Variants in EPHB6 observed in about 807,000 individuals in gnomAD.
The protein encoded by EPHB6 is ephrin type-B receptor 6.
In EPHB6, 51 loss-of-function variants were observed where a neutral mutation model predicts 107.0. The ratio of observed to expected loss-of-function variants is 0.48; its 90% CI spans 0.38 to 0.60. The LOEUF is 0.60. EPHB6 is among the 20% of genes least tolerant of loss of function. The probability of loss-of-function intolerance (pLI) is 0.00; values close to 1 mark genes in which losing one functional copy is unlikely to be tolerated. For synonymous variants in EPHB6, 553 were observed against 549.0 expected (o/e 1.01, Z -0.10); for missense variants, 1,141 against 1,355.5 (o/e 0.84, Z 2.48).
Position 142,866,666 on chromosome 7 carries a change from G to A in EPHB6, c.1587+61G>A. On this transcript the variant is annotated intron_variant, in intron 10 of 19. Transcript: ENST00000652003. This position sits in a 1 kb window ranked among gnomAD's most constrained non-coding sequence, Gnocchi z 5.2. ...GGTAGGAGCTCATAGGCCTCACAGT[G>A]GGGCCCAGAGGTGACCAGGTGCACA... is the stretch of plus-strand genomic sequence containing the variant. 3 of 1,612,322 alleles carry A rather than the reference G, an allele frequency of 1.9e-6. No homozygotes were observed. Among genetic ancestry groups the A allele is most frequent in the Non-Finnish European group, 2.5e-6 (3 of 1,179,846 alleles).
Position 142,867,467 on chromosome 7 carries a change from G to A in EPHB6, c.1751-141G>A. The A allele has an allele frequency of 1.4e-6, 1 of 729,356 alleles. No homozygotes were observed. The highest frequency in any genetic ancestry group is 2.4e-6 in the Non-Finnish European group (1 of 409,994). 45.2% of individuals were successfully genotyped at this position (729,356 alleles called of 1,614,324 possible). On this transcript the variant is annotated intron_variant, in intron 11 of 19. Transcript: ENST00000652003. The surrounding 1 kb of genome is among the most constrained non-coding windows in gnomAD (Gnocchi z 5.3). ...CTGTGGGCGTGTGTGTGTGTTGTGTGTCCCTGTGCATGGATGTGGGAGGTT... is the reference window on the plus strand; with the variant it reads ...CTGTGGGCGTGTGTGTGTGTTGTGTATCCCTGTGCATGGATGTGGGAGGTT...
rs537204866 is a variant in EPHB6 at position 142,864,245 on chromosome 7, C to T, written c.445C>T (p.Leu149Phe). 37 of 1,613,824 alleles carry T rather than the reference C, an allele frequency of 2.3e-5. No homozygotes were observed. The highest frequency in any genetic ancestry group is 3.1e-5 in the Non-Finnish European group (36 of 1,180,048). Residue 149 changes from leucine (L) to phenylalanine (F), a missense_variant, in exon 7 of 20, where the codon CTC becomes TTC. Physicochemically the swap from Leu to Phe is conservative, Grantham distance 22. Transcript: ENST00000652003. The stretch of plus-strand genomic sequence containing the variant: ...CCCTGACAGCGTTTCCTCCTGGCAC[C>T]TCAAACGCTGGACCAAGGTGGACAC... Reference protein sequence around the residue: ...DSPDSVSSWHLKRWTKVDTIA... With the variant: ...DSPDSVSSWHFKRWTKVDTIA...
intron 2 of EPHB6, 28 bp downstream of exon 2, chr7:142,861,214 G>T (rs958469633): frequency 6.6e-6 from 1 of 152,122 alleles, no homozygotes; most frequent in Non-Finnish European, 1.5e-5. Flanking sequence ...TCATTTGCTC[G>T]TGAGCTTAGT....
Position 142,869,429 on chromosome 7 carries a change from C to T in EPHB6, c.2460+282C>T, listed in dbSNP as rs1794794057. Among the ~76,000 whole-genome samples the T allele has an allele frequency of 6.6e-6, 1 of 152,180 alleles. No individual in the cohort carries two copies. Among genetic ancestry groups the T allele is most frequent in the Non-Finnish European group, 1.5e-5 (1 of 68,024 alleles). On this transcript the variant is annotated intron_variant, in intron 16 of 19. Transcript: ENST00000652003. The surrounding 1 kb of genome is among the most constrained non-coding windows in gnomAD (Gnocchi z 4.5). ...CCCATTGTGGAGATTACACAGACTCCAGAGTCAGCACAGCTGGGTACAAAT... is the reference window on the plus strand; with the variant it reads ...CCCATTGTGGAGATTACACAGACTCTAGAGTCAGCACAGCTGGGTACAAAT...
At chr7:142,858,667 C>T (rs1447024027) in intron 1 of EPHB6, among the ~76,000 whole-genome samples, 5 of 147,884 alleles carry the variant, frequency 3.4e-5, no homozygotes, top group Admixed American at 6.8e-5. Context: ...AGGACGGTCT[C>T]GATCTCCTGA....
chr7:142,861,472 C>G (rs945340233), intron 2 of EPHB6, among the ~76,000 whole-genome samples: 5 of 152,216 alleles, frequency 3.3e-5, no homozygotes, highest in Non-Finnish European at 7.3e-5. Flanking sequence ...CTCCCTTGCA[C>G]TGGGTCTCAG....
At position 142,865,944 on chromosome 7, in the gene EPHB6, T is replaced by C; in HGVS notation, c.1106-16T>C. On this transcript the variant is annotated splice_polypyrimidine_tract_variant and intron_variant, in intron 8 of 19. Transcript: ENST00000652003. ...CCCTCTTGGCCCTTGGACTGCCATATCCTCCGGCCCCCCAGGTCCTCCATC... is the reference window on the plus strand; with the variant it reads ...CCCTCTTGGCCCTTGGACTGCCATACCCTCCGGCCCCCCAGGTCCTCCATC... The C allele has an allele frequency of 6.2e-7, 1 of 1,613,050 alleles. No individual in the cohort carries two copies. Among genetic ancestry groups the C allele is most frequent in the Non-Finnish European group, 8.5e-7 (1 of 1,179,668 alleles).
chr7:142,855,552 T>G lies in EPHB6; in HGVS notation c.-432+167T>G, dbSNP rs1290933792. Among the ~76,000 whole-genome samples, 1 of 151,864 alleles carries G rather than the reference T, an allele frequency of 6.6e-6. No homozygotes were observed. The highest frequency in any genetic ancestry group is 1.5e-5 in the Non-Finnish European group (1 of 67,936). ...AGGCCAGAGTGGGGTTCATGAAGGG[T>G]GAGGAAACGGTCAACCTGGCTACTC... On this transcript the variant is annotated intron_variant, in intron 1 of 19. Transcript: ENST00000652003. This position sits in a 1 kb window ranked among gnomAD's most constrained non-coding sequence, Gnocchi z 4.2.
rs2116424958 is a variant in EPHB6 at position 142,864,507 on chromosome 7, T to C, written c.707T>C (p.Val236Ala). The part of the protein sequence containing the change: ...VRLFSYTCPA[V>A]LRSFASFPET... ...CTCTTCTCCTACACCTGCCCTGCCG[T>C]GCTCCGATCCTTTGCTTCCTTTCCA... Residue 236 changes from valine (V) to alanine (A), a missense_variant, in exon 7 of 20, where the codon GTG becomes GCG. Around this residue, in one of 3 missense-constraint regions of EPHB6, gnomAD observed 304 missense variants for 295.7 expected, o/e 1.03. Coordinates refer to ENST00000652003, the MANE Select transcript of EPHB6 (RefSeq NM_004445.6). The C allele has an allele frequency of 6.2e-7, 1 of 1,613,476 alleles. No homozygotes were observed. Among genetic ancestry groups the C allele is most frequent in the Non-Finnish European group, 8.5e-7 (1 of 1,180,028 alleles).
chr7:142,870,229 G>C lies in EPHB6; in HGVS notation c.2626G>C (p.Glu876Gln), dbSNP rs150099415. The C allele has an allele frequency of 4.8e-5, 77 of 1,614,048 alleles. No homozygotes were observed. The African/African-American group carries it at 8.7e-4, about 18-fold the overall frequency. Residue 876 changes from glutamate to glutamine, a missense_variant, in exon 18 of 20, where the codon GAG (glutamate) becomes CAG (glutamine). By Grantham distance (29) the Glu-to-Gln change is conservative. Around this residue, in one of 3 missense-constraint regions of EPHB6, gnomAD observed 616 missense variants for 759.3 expected, o/e 0.81. Coordinates refer to ENST00000652003, the MANE Select transcript of EPHB6 (RefSeq NM_004445.6). ...MSEQEVLNAI[E>Q]QEFRLPPPPG... ...TGACCCCCAGGTACTAAATGCAATAGAGCAGGAGTTCCGGCTGCCCCCGCC... is the reference window on the plus strand; with the variant it reads ...TGACCCCCAGGTACTAAATGCAATACAGCAGGAGTTCCGGCTGCCCCCGCC...
chr7:142,866,535 C>G lies in EPHB6; in HGVS notation c.1517C>G (p.Thr506Arg), dbSNP rs747288408. 12 of 1,614,072 alleles carry G rather than the reference C, an allele frequency of 7.4e-6. No individual in the cohort carries two copies. The Admixed American group carries it at 1.8e-4, about 25-fold the overall frequency. ...GTGAGCCGGGCATCCAACAGCATCACGGTGTCCTGGCCGCAGCCCGACCAG... is the reference window on the plus strand; with the variant it reads ...GTGAGCCGGGCATCCAACAGCATCAGGGTGTCCTGGCCGCAGCCCGACCAG... Reference protein sequence around the residue: ...HQVSRASNSITVSWPQPDQTN... With the variant: ...HQVSRASNSIRVSWPQPDQTN... The change falls in exon 10 of 20, where the codon ACG (threonine) becomes AGG (arginine). Residue 506 changes from threonine (T) to arginine (R), a missense_variant. This residue lies in a region of EPHB6 where 616 missense variants were observed against 759.3 expected (regional missense o/e 0.81). Coordinates refer to ENST00000652003, the MANE Select transcript of EPHB6 (RefSeq NM_004445.6). This position sits in a 1 kb window ranked among gnomAD's most constrained non-coding sequence, Gnocchi z 5.2.
intron 1 of EPHB6, among the ~76,000 whole-genome samples, chr7:142,859,362 G>A (rs950763586): frequency 6.6e-6 from 1 of 152,216 alleles, no homozygotes; most frequent in Non-Finnish European, 1.5e-5. Context: ...TGCTTACTTA[G>A]CATTCCAGGC....
In EPHB6 at chr7:142,868,341, T is replaced by C; in HGVS notation, c.2019T>C (p.Ile673=). ...AAGTCGATCCTGCTTATATCAAGAT[T>C]GAGGAGGTCATTGGGACAGGTACAG... ...AREVDPAYIK[I]EEVIGTGSFG... Residue 673 remains isoleucine (I), a synonymous_variant, in exon 14 of 20, where the codon ATT becomes ATC. Coordinates refer to ENST00000652003, the MANE Select transcript of EPHB6 (RefSeq NM_004445.6). This position sits in a 1 kb window ranked among gnomAD's most constrained non-coding sequence, Gnocchi z 4.2. The C allele has an allele frequency of 6.2e-7, 1 of 1,613,932 alleles. No individual in the cohort carries two copies. The highest frequency in any genetic ancestry group is 8.5e-7 in the Non-Finnish European group (1 of 1,179,976).
chr7:142,860,768 C>T (rs368973407), intron 1 of EPHB6, among the ~76,000 whole-genome samples: 10 of 152,096 alleles, frequency 6.6e-5, no homozygotes, highest in African/African-American at 2.4e-4. Context: ...CATCAGCCCA[C>T]GCGTATGTAG....
In EPHB6 at chr7:142,856,894, C is replaced by T. The variant is rs181683260; in HGVS notation, c.-432+1509C>T. ...AGACAGCATCTGCTCCCGCCCACCTCATCTCATACACATTCCCTTACACAC... is the reference window on the plus strand; with the variant it reads ...AGACAGCATCTGCTCCCGCCCACCTTATCTCATACACATTCCCTTACACAC... On this transcript the variant is annotated intron_variant, in intron 1 of 19. Transcript: ENST00000652003. Among the ~76,000 whole-genome samples the T allele has an allele frequency of 3.8e-3, 582 of 152,324 alleles. 5 individuals are homozygous for T. The highest frequency in any genetic ancestry group is 5.7e-3 in the Non-Finnish European group (390 of 68,026).
At position 142,870,933 on chromosome 7, in the gene EPHB6, G is replaced by C. The variant is rs1469519321; in HGVS notation, c.*29G>C. 6.3e-7 allele frequency: 1 copy of C among 1,598,988 alleles called. No individual in the cohort carries two copies. Among genetic ancestry groups the C allele is most frequent in the African/African-American group, 1.3e-5 (1 of 74,750 alleles). On this transcript the variant is annotated 3_prime_UTR_variant, in exon 20 of 20. Transcript: ENST00000652003. The stretch of plus-strand genomic sequence containing the variant: ...TGACGATACCCGTGACTCAGCCCTG[G>C]ACACTGGTCCGAGAAGGGACATGTG...
chr7:142,864,648 C>G lies in EPHB6; in HGVS notation c.848C>G (p.Pro283Arg), dbSNP rs8177143. 12 of 1,612,528 alleles carry G rather than the reference C, an allele frequency of 7.4e-6. No individual in the cohort carries two copies. The African/African-American group carries it at 1.2e-4, about 16-fold the overall frequency. Residue 283 changes from proline to arginine, a missense_variant, in exon 7 of 20, where the codon CCC becomes CGC. Pro to Arg is a moderately radical substitution (Grantham distance 103, BLOSUM62 -2). This residue lies in a region of EPHB6 where 304 missense variants were observed against 295.7 expected (regional missense o/e 1.03). Coordinates refer to ENST00000652003, the MANE Select transcript of EPHB6 (RefSeq NM_004445.6). ...GVGGQAGGSP[P>R]RLHCNGEGKW... is the part of the protein sequence containing the mutation. ...GGGGGCCAGGCAGGAGGCAGCCCCC[C>G]CAGGCTGCACTGCAACGGGGAGGGC...
rs1794648198 is a variant in EPHB6 at position 142,867,217 on chromosome 7, G to C, written c.1750+149G>C. 1 of 982,706 alleles carries C rather than the reference G, an allele frequency of 1.0e-6. No individual in the cohort carries two copies. The allele number at this position is 982,706 out of a possible 1,614,324, so 60.9% of individuals were successfully genotyped here. On this transcript the variant is annotated intron_variant, in intron 11 of 19. Coordinates refer to ENST00000652003, the MANE Select transcript of EPHB6 (RefSeq NM_004445.6). This position sits in a 1 kb window ranked among gnomAD's most constrained non-coding sequence, Gnocchi z 5.3. ...GGAGAGTGCCTTTTGCTCAGCAGCT[G>C]ACCTAGGGGCTACTCGGGGAGGTGG...
Position 142,868,230 on chromosome 7 carries a change from C to T in EPHB6, c.1919-11C>T, listed in dbSNP as rs2116465688. 1 of 1,614,158 alleles carries T rather than the reference C, an allele frequency of 6.2e-7. No homozygotes were observed. Among genetic ancestry groups the T allele is most frequent in the Non-Finnish European group, 8.5e-7 (1 of 1,180,020 alleles). ...CACAACACGCTCATAACATACTCCA[C>T]ACCCCTCCAGGACTCGGGGTGAAGT... On this transcript the variant is annotated splice_polypyrimidine_tract_variant and intron_variant, in intron 13 of 19. Coordinates refer to ENST00000652003, the MANE Select transcript of EPHB6 (RefSeq NM_004445.6). This position sits in a 1 kb window ranked among gnomAD's most constrained non-coding sequence, Gnocchi z 4.2.
Sources: gnomAD v4.1 joint callset for allele counts (sites outside exome capture counted in the v4.1 genomes callset) on GRCh38, gnomAD v4.1.1 for gene constraint, gnomAD v4.1.1 regional missense constraint, Gnocchi (gnomAD v3.1) non-coding constraint, MANE v1.5 for transcripts, NCBI Gene and HGNC (gene_info 2026-07-23, HGNC 2026-07-21) for gene names.